USP24: variants seen among roughly 807,000 people sequenced by gnomAD.
USP24 encodes ubiquitin carboxyl-terminal hydrolase 24.
Under a neutral mutation model 361.6 loss-of-function variants are expected in USP24, and 97 were observed. That is an observed-to-expected ratio of 0.27 (90% CI 0.23 to 0.32). The LOEUF (loss-of-function observed/expected upper bound fraction) is 0.32. Among genes scored for constraint, USP24 ranks in the 10% least tolerant of loss-of-function variants. USP24 has a pLI of 1.00. For missense variants in USP24, 2,353 were observed against 3,165.6 expected, an observed-to-expected ratio of 0.74 and a Z score of 6.16; for synonymous variants, 1,098 against 1,124.6, an observed-to-expected ratio of 0.98 and a Z score of 0.47.
intron 1 of USP24, among the ~76,000 whole-genome samples, chr1:55,190,166 A>G (rs1053425932): frequency 1.4e-5 from 2 of 145,232 alleles, no homozygotes. Flanking sequence ...CTCCATCTCA[A>G]AAAAAAAAAA....
chr1:55,071,989 G>A, intron 66 of USP24, 65 bp from the exon 67 acceptor site: 1 of 1,386,494 alleles, frequency 7.2e-7, no homozygotes, highest in Non-Finnish European at 1.0e-6. Context: ...GCAACCGCCA[G>A]GGAAGACTAC....
chr1:55,099,600 T>C lies in USP24; in HGVS notation c.5370+171A>G, dbSNP rs113208422. Among the ~76,000 whole-genome samples the C allele has an allele frequency of 2.5e-3, 378 of 152,298 alleles. 1 individual carries two copies. Among genetic ancestry groups the C allele is most frequent in the African/African-American group, 8.4e-3 (348 of 41,566 alleles). On this transcript the variant is annotated intron_variant, in intron 45 of 67. Coordinates refer to ENST00000294383, the MANE Select transcript of USP24 (RefSeq NM_015306.3). ...AAAAAAGAGAAAATATACAATTCTA[T>C]TGATCTGTGTTATGTTTTGATGTTT...
At chr1:55,082,218 C>T (rs1332513446) in intron 58 of USP24, among the ~76,000 whole-genome samples, 1 of 152,206 alleles carries the variant, frequency 6.6e-6, no homozygotes, top group Non-Finnish European at 1.5e-5. Flanking sequence ...TGAATCCCTG[C>T]TCCACCAATG....
At chr1:55,141,475 A>C in intron 24 of USP24, 141 bp downstream of exon 24, 1 of 744,802 alleles carries the variant, frequency 1.3e-6, no homozygotes, top group Middle Eastern at 3.4e-4. Context: ...GGGAACATGT[A>C]ATTCTCAGGA....
At chr1:55,130,238 T>C (rs1232896057) in intron 31 of USP24, among the ~76,000 whole-genome samples, 2 of 152,220 alleles carry the variant, frequency 1.3e-5, no homozygotes, top group African/African-American at 2.4e-5. Flanking sequence ...ACTACAAATC[T>C]AGTTCACATT....
At chr1:55,177,905 G>A in intron 2 of USP24, 62 bp downstream of exon 2, 1 of 1,470,750 alleles carries the variant, frequency 6.8e-7, no homozygotes, top group South Asian at 1.3e-5. Context: ...CAAAGGCTAA[G>A]ATTAAACTCA....
intron 23 of USP24, among the ~76,000 whole-genome samples, chr1:55,142,466 T>C (rs1646915948): frequency 6.6e-6 from 1 of 152,138 alleles, no homozygotes; most frequent in African/African-American, 2.4e-5. Context: ...AATGTATAGG[T>C]GACCTATTTT....
chr1:55,175,942 A>G (rs1649939520), intron 3 of USP24, among the ~76,000 whole-genome samples: 3 of 152,204 alleles, frequency 2.0e-5, no homozygotes, highest in Admixed American at 1.3e-4. Context: ...ATCTTTTAGT[A>G]GTTTAAAATG....
At position 55,107,224 on chromosome 1, in the gene USP24, T is replaced by C; in HGVS notation, c.4762+15A>G. 2 of 1,603,718 alleles carry C rather than the reference T, an allele frequency of 1.2e-6. No homozygotes were observed. The highest frequency in any genetic ancestry group is 1.1e-5 in the South Asian group (1 of 89,134). Reference sequence around the variant, plus strand: ...CTGAAGAATCTGCCATGTGATAAGATGGAGCAATAATTACCAAGCATTTCC... The same window carrying C: ...CTGAAGAATCTGCCATGTGATAAGACGGAGCAATAATTACCAAGCATTTCC... On this transcript the variant is annotated intron_variant, in intron 40 of 67. Transcript: ENST00000294383.
At chr1:55,100,218 C>T (rs1032119397) in intron 44 of USP24, among the ~76,000 whole-genome samples, 8 of 152,290 alleles carry the variant, frequency 5.3e-5, no homozygotes, top group Non-Finnish European at 1.5e-5. Context: ...TATTCTTGGC[C>T]GGATGTGGTG....
At chr1:55,146,170 C>T in intron 19 of USP24, 61 bp from the exon 20 acceptor site, 2 of 1,208,656 alleles carry the variant, frequency 1.7e-6, no homozygotes, top group African/African-American at 1.5e-5. Flanking sequence ...ATACATATTC[C>T]AAACTGGAAA....
At chr1:55,144,085 T>G (rs1178525040) in intron 21 of USP24, 42 bp downstream of exon 21, 7 of 1,476,870 alleles carry the variant, frequency 4.7e-6, no homozygotes, top group Non-Finnish European at 6.4e-6. Flanking sequence ...CAAGTTATAC[T>G]AGATTATCCA....
rs550148786 is a variant in USP24 at position 55,077,878 on chromosome 1, C to A, written c.7315-578G>T. Among the ~76,000 whole-genome samples, 8 of 152,298 alleles carry A rather than the reference C, an allele frequency of 5.3e-5. No individual in the cohort carries two copies. The South Asian group carries it at 1.5e-3, about 28-fold the overall frequency. ...CTAAGTGAGCACTTCACGTATTATA[C>A]CACCTCACTGAATCCTCACAACCTG... On this transcript the variant is annotated intron_variant, in intron 61 of 67. Coordinates refer to ENST00000294383, the MANE Select transcript of USP24 (RefSeq NM_015306.3).
intron 1 of USP24, among the ~76,000 whole-genome samples, chr1:55,195,459 T>G (rs1266912968): frequency 1.3e-5 from 2 of 152,240 alleles, no homozygotes; most frequent in African/African-American, 4.8e-5. Context: ...CCAGAGGCTA[T>G]GAATACATCT....
At chr1:55,195,317 G>A (rs1018168101) in intron 1 of USP24, among the ~76,000 whole-genome samples, 2 of 152,168 alleles carry the variant, frequency 1.3e-5, no homozygotes, top group African/African-American at 4.8e-5. Context: ...TTCTCAGCCT[G>A]ATAAATTCCT....
intron 4 of USP24, among the ~76,000 whole-genome samples, chr1:55,171,894 G>A (rs771760196): frequency 2.6e-5 from 4 of 152,180 alleles, no homozygotes; most frequent in African/African-American, 4.8e-5. Flanking sequence ...AGGAAGAGGA[G>A]GAGGTAACAG....
Position 55,107,228 on chromosome 1 carries a change from G to A in USP24, c.4762+11C>T. On this transcript the variant is annotated intron_variant, in intron 40 of 67. Coordinates refer to ENST00000294383, the MANE Select transcript of USP24 (RefSeq NM_015306.3). ...AGAATCTGCCATGTGATAAGATGGA[G>A]CAATAATTACCAAGCATTTCCTTTT... 1 of 1,606,114 alleles carries A rather than the reference G, an allele frequency of 6.2e-7. No individual in the cohort carries two copies. Among genetic ancestry groups the A allele is most frequent in the Admixed American group, 1.7e-5 (1 of 59,192 alleles).
Position 55,097,090 on chromosome 1 carries a change from C to A in USP24, c.5798G>T (p.Gly1933Val). 1.2e-6 allele frequency: 2 copies of A among 1,613,936 alleles called. No individual in the cohort carries two copies. The highest frequency in any genetic ancestry group is 1.7e-6 in the Non-Finnish European group (2 of 1,179,882). The change falls in exon 49 of 68, where the codon GGG becomes GTG. Residue 1933 changes from glycine to valine, a missense_variant. By Grantham distance (109) the Gly-to-Val change is moderately radical. Transcript: ENST00000294383. Reference sequence around the variant, plus strand: ...TCCACCGCCCTGATCCACACTTCGCCCATTTTCCCCAACTTCAGAAGAAGA... The same window carrying A: ...TCCACCGCCCTGATCCACACTTCGCACATTTTCCCCAACTTCAGAAGAAGA... The part of the protein sequence containing the change: ...QDSSSEVGEN[G>V]RSVDQGGGGS...
chr1:55,206,162 T>C (rs551903414), intron 1 of USP24, among the ~76,000 whole-genome samples: 1 of 152,312 alleles, frequency 6.6e-6, no homozygotes, highest in Non-Finnish European at 1.5e-5. Context: ...CACTGAGTCA[T>C]CTCTCTATCC....
Sources: allele counts gnomAD v4.1 joint callset (sites outside exome capture counted in the v4.1 genomes callset), GRCh38; gene constraint gnomAD v4.1.1; transcripts MANE v1.5; gene names NCBI Gene and HGNC (gene_info 2026-07-23, HGNC 2026-07-21).